The following ROBO2 variants were observed in gnomAD, a reference collection of about 807,000 sequenced individuals.
ROBO2 encodes the protein roundabout guidance receptor 2.
In ROBO2, 53 loss-of-function variants were observed where a neutral mutation model predicts 160.8. That is an observed-to-expected ratio of 0.33 (90% CI 0.26 to 0.41). ROBO2 has a LOEUF of 0.41. Among genes scored for constraint, ROBO2 ranks in the 10% least tolerant of loss-of-function variants. The pLI is 1.00. For missense variants in ROBO2, 1,577 were observed against 1,722.4 expected (o/e 0.92, Z 1.49); for synonymous variants, 664 against 611.7 (o/e 1.09, Z -1.26).
chr3:76,208,064 C>T (rs954305307), intron 2 of ROBO2, among the ~76,000 whole-genome samples: 2 of 152,296 alleles, frequency 1.3e-5, no homozygotes, highest in African/African-American at 4.8e-5. Context: ...GAACTGCTCT[C>T]CCCTCTTTGC....
At chr3:76,674,351 T>C (rs1042742534) in intron 2 of ROBO2, among the ~76,000 whole-genome samples, 1 of 151,948 alleles carries the variant, frequency 6.6e-6, no homozygotes, top group Non-Finnish European at 1.5e-5. Context: ...CATGGCAGCA[T>C]CCCCCAGGTG....
intron 2 of ROBO2, among the ~76,000 whole-genome samples, chr3:76,388,567 T>G (rs925992751): frequency 2.0e-5 from 3 of 152,158 alleles, no homozygotes; most frequent in African/African-American, 7.2e-5. Context: ...TTACCAAATC[T>G]TATTTGTATT....
At chr3:75,952,753 G>T (rs1215918178) in intron 2 of ROBO2, among the ~76,000 whole-genome samples, 1 of 151,888 alleles carries the variant, frequency 6.6e-6, no homozygotes, top group Non-Finnish European at 1.5e-5. Flanking sequence ...CAGAATAGTG[G>T]ATTCACTTTC....
intron 1 of ROBO2, among the ~76,000 whole-genome samples, chr3:75,933,042 C>T (rs924761248): frequency 4.6e-5 from 7 of 152,114 alleles, no homozygotes; most frequent in African/African-American, 1.7e-4. Flanking sequence ...GAGATAAGCC[C>T]TGCCTGTGAG....
At chr3:77,281,639 G>A (rs1245271249) in intron 2 of ROBO2, among the ~76,000 whole-genome samples, 1 of 152,114 alleles carries the variant, frequency 6.6e-6, no homozygotes, top group African/African-American at 2.4e-5. Context: ...CATATTATTT[G>A]CCTATCACCT....
At chr3:76,459,274 T>C (rs1044081424) in intron 2 of ROBO2, among the ~76,000 whole-genome samples, 12 of 152,292 alleles carry the variant, frequency 7.9e-5, no homozygotes, top group African/African-American at 2.9e-4. Context: ...CCTAGTGATA[T>C]ATATACATAT....
chr3:76,449,056 T>A (rs186474498), intron 2 of ROBO2, among the ~76,000 whole-genome samples: 35 of 152,314 alleles, frequency 2.3e-4, no homozygotes, highest in African/African-American at 8.2e-4. Context: ...GAATGATTTT[T>A]CATTCACAAA....
chr3:77,284,346 C>A (rs1348731424), intron 2 of ROBO2, among the ~76,000 whole-genome samples: 1 of 152,120 alleles, frequency 6.6e-6, no homozygotes, highest in African/African-American at 2.4e-5. Flanking sequence ...GGTTCCTCAT[C>A]TGTAATATAA....
At chr3:77,516,820 A>G (rs754047226) in intron 5 of ROBO2, among the ~76,000 whole-genome samples, 7 of 151,796 alleles carry the variant, frequency 4.6e-5, no homozygotes, top group Non-Finnish European at 8.9e-5. Flanking sequence ...ATCTTGTTAT[A>G]TTTCAAATTA....
chr3:77,622,314 G>T (rs201060839), exon 23 of ROBO2: 1 of 1,614,106 alleles, frequency 6.2e-7, no homozygotes. Context: ...ATTTGGAAAC[G>T]GATGTTGCAG....
chr3:77,149,571 A>T (rs2077389135), intron 2 of ROBO2, among the ~76,000 whole-genome samples: 1 of 152,184 alleles, frequency 6.6e-6, no homozygotes. Context: ...ATAGTGGCTT[A>T]TAGGAGATTT....
At chr3:76,186,464 A>G (rs1374406648) in intron 2 of ROBO2, among the ~76,000 whole-genome samples, 1 of 151,954 alleles carries the variant, frequency 6.6e-6, no homozygotes, top group Non-Finnish European at 1.5e-5. Flanking sequence ...CCAGCACTAA[A>G]CCTAAAACTC....
chr3:77,624,897 CTGAAGCCAATCAGAA>C (rs776450726), intron 23 of ROBO2, among the ~76,000 whole-genome samples: 2 of 152,162 alleles, frequency 1.3e-5, no homozygotes, highest in Non-Finnish European at 2.9e-5. Flanking sequence ...CCCTGCAACT[CTGAAGCCAATCAGAA>C]TATTAGTTCA....
At chr3:76,738,142 T>A (rs565820188) in intron 2 of ROBO2, among the ~76,000 whole-genome samples, 3 of 151,334 alleles carry the variant, frequency 2.0e-5, no homozygotes, top group Non-Finnish European at 2.9e-5. Flanking sequence ...TCAAAAAAAA[T>A]AAAAAATAAA....
At chr3:76,012,190 G>A (rs932899505) in intron 2 of ROBO2, among the ~76,000 whole-genome samples, 11 of 152,022 alleles carry the variant, frequency 7.2e-5, no homozygotes, top group African/African-American at 2.7e-4. Context: ...CTAAAATAAA[G>A]CCTTTATATG....
At chr3:76,991,584 T>C (rs1439775690) in intron 2 of ROBO2, among the ~76,000 whole-genome samples, 3 of 152,242 alleles carry the variant, frequency 2.0e-5, no homozygotes, top group African/African-American at 7.2e-5. Flanking sequence ...CATTAAGTTT[T>C]GAGGACTTTC....
intron 1 of ROBO2, among the ~76,000 whole-genome samples, chr3:77,082,833 A>C: frequency 6.6e-6 from 1 of 151,580 alleles, no homozygotes. Flanking sequence ...GGCTAATCTC[A>C]CAAGGAATGT....
chr3:76,162,862 T>C (rs995098232), intron 2 of ROBO2, among the ~76,000 whole-genome samples: 1 of 152,132 alleles, frequency 6.6e-6, no homozygotes, highest in Non-Finnish European at 1.5e-5. Context: ...ATTTTGATAG[T>C]TATCTCTTTT....
At chr3:77,252,992 G>A (rs527505821) in intron 2 of ROBO2, among the ~76,000 whole-genome samples, 1 of 151,322 alleles carries the variant, frequency 6.6e-6, no homozygotes, top group East Asian at 1.9e-4. Flanking sequence ...AAATATGGAT[G>A]TCCCAAAGTT....
Sources: allele counts gnomAD v4.1 joint callset (sites outside exome capture counted in the v4.1 genomes callset), GRCh38; gene constraint gnomAD v4.1.1; transcripts MANE v1.5; gene names NCBI Gene and HGNC (gene_info 2026-07-23, HGNC 2026-07-21).